The following PHEX variants were observed in gnomAD, a reference collection of about 807,000 sequenced individuals.
The protein encoded by PHEX is phosphate regulating endopeptidase X-linked.
Under a neutral mutation model 68.0 loss-of-function variants are expected in PHEX, and 16 were observed. The ratio of observed to expected loss-of-function variants is 0.24; its 90% CI spans 0.16 to 0.36. PHEX has a LOEUF of 0.36. Among genes scored for constraint, PHEX ranks in the 10% least tolerant of loss-of-function variants. The probability of loss-of-function intolerance (pLI) is 1.00; values close to 1 mark genes in which losing one functional copy is unlikely to be tolerated. For missense variants in PHEX, 480 were observed against 575.5 expected, an observed-to-expected ratio of 0.83 and a Z score of 1.70; for synonymous variants, 208 against 205.1, an observed-to-expected ratio of 1.01 and a Z score of -0.12.
Position 22,221,683 on chromosome X carries a change from A to G in PHEX, c.1839A>G (p.Glu613=). 1 of 1,202,051 alleles carries G rather than the reference A, an allele frequency of 8.3e-7. No homozygotes were observed. Among genetic ancestry groups the G allele is most frequent in the African/African-American group, 1.7e-5 (1 of 57,756 alleles). Residue 613 remains glutamate (E), a synonymous_variant, in exon 18 of 22, where the codon GAA becomes GAG. Coordinates refer to ENST00000379374, the MANE Select transcript of PHEX (RefSeq NM_000444.6). ...WSTESEEKFK[E]KTKCMINQYS... is the part of the protein sequence containing the mutation. ...CTGAATCAGAAGAAAAGTTTAAGGA[A>G]AAAACAAAATGCATGATTAACCAGT...
chrX:22,155,728 T>C (rs769874723), intron 12 of PHEX, among the ~76,000 whole-genome samples: 1 of 112,126 alleles, frequency 8.9e-6, no homozygotes, highest in South Asian at 3.7e-4. Flanking sequence ...ATTATTTAAA[T>C]AGTTATTATT....
chrX:22,041,265 C>CTCTCTCTCTCTCTCTCTATATATA (rs1468778300), intron 2 of PHEX, among the ~76,000 whole-genome samples: 1 of 72,823 alleles, frequency 1.4e-5, no homozygotes, highest in African/African-American at 6.3e-5. Context: ...CTCTCTCTCT[C>CTCTCTCTCTCTCTCTCTATATATA]TATATATATA....
In PHEX at chrX:22,249,455, A is replaced by AAAAAAATAT; in HGVS notation, c.*1503_*1504insAAAAATATA. 5 of 39,756 alleles carry AAAAAAATAT rather than the reference A, an allele frequency of 1.3e-4. No individual in the cohort carries two copies. The highest frequency in any genetic ancestry group is 3.3e-4 in the African/African-American group (2 of 6,017). 3.3% of individuals were successfully genotyped at this position (39,756 alleles called of 1,213,427 possible). On this transcript the variant is annotated 3_prime_UTR_variant, in exon 22 of 22. Coordinates refer to ENST00000379374, the MANE Select transcript of PHEX (RefSeq NM_000444.6). Reference sequence around the variant, plus strand: ...TTGTGATTCTTTTAAAAAAAAAAAAAATATATATATATATATATATATATA... The same window carrying AAAAAAATAT: ...TTGTGATTCTTTTAAAAAAAAAAAAAAAAAAATATATATATATATATATATATATATATA...
At chrX:22,224,986 T>A (rs62590175) in intron 18 of PHEX, among the ~76,000 whole-genome samples, 5 of 43,516 alleles carry the variant, frequency 1.1e-4, no homozygotes, top group South Asian at 1.8e-3. Flanking sequence ...ATCATACAGC[T>A]CTGTATGTCA....
At position 22,249,455 on chromosome X, in the gene PHEX, A is replaced by AAAAAAATATATATAT; in HGVS notation, c.*1503_*1504insAAAAATATATATATA. On this transcript the variant is annotated 3_prime_UTR_variant, in exon 22 of 22. Transcript: ENST00000379374. ...TTGTGATTCTTTTAAAAAAAAAAAAAATATATATATATATATATATATATA... is the reference window on the plus strand; with the variant it reads ...TTGTGATTCTTTTAAAAAAAAAAAAAAAAAAATATATATATATATATATATATATATATATATATA... 7.5e-4 allele frequency: 30 copies of AAAAAAATATATATAT among 39,748 alleles called. No individual in the cohort carries two copies. The highest frequency in any genetic ancestry group is 1.0e-3 in the Non-Finnish European group (25 of 24,463). 3.3% of individuals were successfully genotyped at this position (39,748 alleles called of 1,213,427 possible). A position where few individuals can be genotyped will look rare whatever the true frequency, so the allele number is the denominator to read the frequency against.
chrX:22,034,028 G>A (rs1397022480), intron 1 of PHEX, among the ~76,000 whole-genome samples: 1 of 112,095 alleles, frequency 8.9e-6, no homozygotes, highest in African/African-American at 3.2e-5. Context: ...AAAAGAGTTA[G>A]GGTTGTGTGG....
chrX:22,163,142 A>G (rs1023290252), intron 12 of PHEX: 8 of 112,069 alleles, frequency 7.1e-5, no homozygotes, highest in African/African-American at 2.6e-4. Flanking sequence ...TATCTGGCCC[A>G]AAGTGTTGAG....
Position 22,142,616 on chromosome X carries a change from C to G in PHEX, c.1404+8992C>G, listed in dbSNP as rs1239621678. ...TTGTTCATCCTTTGGCAATGCCCTT[C>G]CAGATTTATCTATTGAACAAAAATA... is the stretch of plus-strand genomic sequence containing the variant. On this transcript the variant is annotated intron_variant, in intron 12 of 21. Transcript: ENST00000379374. Among the ~76,000 whole-genome samples the G allele has an allele frequency of 3.6e-5, 4 of 112,165 alleles. No homozygotes were observed. The East Asian group carries it at 1.1e-3, about 31-fold the overall frequency.
chrX:22,222,092 C>T (rs1182676115), intron 18 of PHEX, among the ~76,000 whole-genome samples: 2 of 112,165 alleles, frequency 1.8e-5, no homozygotes, highest in African/African-American at 6.5e-5. Context: ...ACTTGGTTCT[C>T]CTGGTTCTTA....
At chrX:22,185,788 A>C (rs1434770151) in intron 14 of PHEX, among the ~76,000 whole-genome samples, 1 of 83,141 alleles carries the variant, frequency 1.2e-5, no homozygotes, top group African/African-American at 6.7e-5. Context: ...ACAGAGTCTC[A>C]CTCTGTCACC....
At chrX:22,166,689 A>G (rs1488852519) in intron 12 of PHEX, among the ~76,000 whole-genome samples, 2 of 111,394 alleles carry the variant, frequency 1.8e-5, no homozygotes, top group Non-Finnish European at 3.8e-5. Flanking sequence ...ATACATTGAT[A>G]TTAACTATAG....
At chrX:22,113,201 G>A (rs981155531) in intron 10 of PHEX, among the ~76,000 whole-genome samples, 2 of 111,940 alleles carry the variant, frequency 1.8e-5, no homozygotes, top group African/African-American at 6.5e-5. Flanking sequence ...TGAGCACGAA[G>A]TGCTAAATAT....
At chrX:22,210,505 T>C (rs182968447) in intron 15 of PHEX, among the ~76,000 whole-genome samples, 87 of 112,224 alleles carry the variant, frequency 7.8e-4, no homozygotes, top group African/African-American at 2.7e-3. Flanking sequence ...TCATTGCTTT[T>C]TGATGATTTA....
intron 15 of PHEX, among the ~76,000 whole-genome samples, chrX:22,201,458 T>C (rs1200788732): frequency 2.7e-5 from 3 of 110,742 alleles, no homozygotes; most frequent in Non-Finnish European, 5.7e-5. Flanking sequence ...GTTCTGCGAT[T>C]ACAGGTGTGA....
chrX:22,045,025 T>C (rs1448420364), intron 2 of PHEX, among the ~76,000 whole-genome samples: 2 of 108,201 alleles, frequency 1.8e-5, no homozygotes, highest in Non-Finnish European at 3.8e-5. Context: ...CTAGTGTTTT[T>C]TTTTTGTGTG....
chrX:22,239,989 AG>A (rs1429386212), intron 20 of PHEX, among the ~76,000 whole-genome samples: 3 of 112,074 alleles, frequency 2.7e-5, no homozygotes, highest in Admixed American at 9.5e-5. Flanking sequence ...GGAGCCAGAG[AG>A]AAAGGTCGGG....
chrX:22,157,235 C>T (rs925551925), intron 12 of PHEX, among the ~76,000 whole-genome samples: 4 of 112,043 alleles, frequency 3.6e-5, no homozygotes, highest in South Asian at 3.7e-4. Context: ...CTCACACCTG[C>T]CATCCCAGCA....
At chrX:22,048,295 C>T (rs1053791936) in intron 3 of PHEX, among the ~76,000 whole-genome samples, 11 of 111,349 alleles carry the variant, frequency 9.9e-5, no homozygotes, top group African/African-American at 3.3e-4. Flanking sequence ...TCAGGGTTTT[C>T]TCCTAACCCA....
At chrX:22,129,237 A>C (rs765716265) in intron 11 of PHEX, among the ~76,000 whole-genome samples, 1 of 111,325 alleles carries the variant, frequency 9.0e-6, no homozygotes, top group Non-Finnish European at 1.9e-5. Context: ...TCATCACACT[A>C]ATCAGAATGG....
Sources: allele counts gnomAD v4.1 joint callset (sites outside exome capture counted in the v4.1 genomes callset), GRCh38; gene constraint gnomAD v4.1.1; transcripts MANE v1.5; gene names NCBI Gene and HGNC (gene_info 2026-07-23, HGNC 2026-07-21).